Variants in INSR observed in about 807,000 individuals in gnomAD.
INSR encodes insulin receptor.
In INSR, 67 loss-of-function variants were observed where a neutral mutation model predicts 142.6. The observed-to-expected ratio is 0.47, with a 90% CI of 0.39 to 0.58. The LOEUF (loss-of-function observed/expected upper bound fraction) is 0.58. Ranked by LOEUF, INSR falls within the 20% of genes least tolerant of loss-of-function variation. INSR has a pLI of 0.00. For synonymous variants in INSR, 756 were observed against 743.1 expected (o/e 1.02, Z -0.28); for missense variants, 1,248 against 1,833.2 (o/e 0.68, Z 5.83).
chr19:7,153,308 AAAT>A (rs1234513199), intron 9 of INSR, among the ~76,000 whole-genome samples: 25 of 88,250 alleles, frequency 2.8e-4, no homozygotes, highest in South Asian at 7.4e-4. Flanking sequence ...CACACCACAC[AAAT>A]CACACACACA....
intron 2 of INSR, among the ~76,000 whole-genome samples, chr19:7,198,656 G>T (rs1974862474): frequency 6.6e-6 from 1 of 151,984 alleles, no homozygotes; most frequent in South Asian, 2.1e-4. Flanking sequence ...GGGAGGGTCC[G>T]CATCTCCGAA....
chr19:7,146,547 T>C (rs1022286664), intron 11 of INSR, among the ~76,000 whole-genome samples: 4 of 152,144 alleles, frequency 2.6e-5, no homozygotes, highest in Non-Finnish European at 4.4e-5. Flanking sequence ...TCAACCTCTT[T>C]GTCAAGTTCT....
chr19:7,153,381 C>A, intron 9 of INSR, among the ~76,000 whole-genome samples: 1 of 39,306 alleles, frequency 2.5e-5, no homozygotes, highest in Non-Finnish European at 5.0e-5. Flanking sequence ...ACACACCATA[C>A]ACGCACCACA....
intron 2 of INSR, among the ~76,000 whole-genome samples, chr19:7,220,349 G>C (rs2145096880): frequency 6.6e-6 from 1 of 152,306 alleles, no homozygotes; most frequent in South Asian, 2.1e-4. Flanking sequence ...GGAGTGCAGT[G>C]GTGCGATCTT....
chr19:7,244,027 A>G (rs1976448669), intron 2 of INSR, among the ~76,000 whole-genome samples: 1 of 152,146 alleles, frequency 6.6e-6, no homozygotes, highest in African/African-American at 2.4e-5. Flanking sequence ...ATTTTTTTAA[A>G]TGACCATAAT....
chr19:7,233,893 G>T (rs995638912), intron 2 of INSR, among the ~76,000 whole-genome samples: 2 of 151,054 alleles, frequency 1.3e-5, no homozygotes, highest in Non-Finnish European at 2.9e-5. Flanking sequence ...CGCCAGGATG[G>T]TCTCGATCTC....
intron 11 of INSR, among the ~76,000 whole-genome samples, chr19:7,148,163 C>T (rs188477993): frequency 4.5e-4 from 69 of 152,308 alleles, no homozygotes; most frequent in African/African-American, 1.7e-3. Context: ...ATCTGCCTGC[C>T]TGGGCCTCCC....
chr19:7,259,085 TTCCCGCCTTCCC>T (rs1976981132), intron 2 of INSR, among the ~76,000 whole-genome samples: 1 of 36,132 alleles, frequency 2.8e-5, no homozygotes, highest in Non-Finnish European at 5.8e-5. Flanking sequence ...CCTTCTTTCC[TTCCCGCCTTCCC>T]TCCTTCCTTC....
intron 2 of INSR, among the ~76,000 whole-genome samples, chr19:7,202,126 AT>A (rs1488723157): frequency 1.3e-5 from 2 of 152,214 alleles, no homozygotes; most frequent in Non-Finnish European, 2.9e-5. Context: ...CTAACCATAC[AT>A]GGCCCCTAAG....
chr19:7,135,304 CTTTTTTTTTTTTT>C (rs34080394), intron 13 of INSR, among the ~76,000 whole-genome samples: 1 of 60,054 alleles, frequency 1.7e-5, no homozygotes, highest in African/African-American at 7.8e-5. Context: ...AATGCATCTT[CTTTTTTTTTTTTT>C]TTTTTTTTTT....
intron 2 of INSR, among the ~76,000 whole-genome samples, chr19:7,224,564 G>C (rs1018448621): frequency 6.6e-6 from 1 of 152,166 alleles, no homozygotes; most frequent in Non-Finnish European, 1.5e-5. Flanking sequence ...CACTCCAGGT[G>C]ACCAAGCCAC....
At chr19:7,178,073 T>C (rs1470403201) in intron 3 of INSR, among the ~76,000 whole-genome samples, 1 of 152,080 alleles carries the variant, frequency 6.6e-6, no homozygotes, top group Non-Finnish European at 1.5e-5. Flanking sequence ...GCTGTTGTTC[T>C]CACACTCCTG....
At position 7,229,332 on chromosome 19, in the gene INSR, A is replaced by ATGGATAGATGGATGGATGGATG. The variant is rs1568204425; in HGVS notation, c.652+38012_652+38013insCATCCATCCATCCATCTATCCA. On this transcript the variant is annotated intron_variant, in intron 2 of 21. Transcript: ENST00000302850. ...TGGATGGATGGATGGATGGATGGAT[A>ATGGATAGATGGATGGATGGATG]GATGGATGGATGGATGGATGGATGG... is the stretch of plus-strand genomic sequence containing the variant. Among the ~76,000 whole-genome samples the ATGGATAGATGGATGGATGGATG allele has an allele frequency of 4.2e-3, 347 of 81,914 alleles. 2 individuals are homozygous for ATGGATAGATGGATGGATGGATG. The highest frequency in any genetic ancestry group is 0.013 in the African/African-American group (305 of 22,594). 53.7% of individuals were successfully genotyped at this position (81,914 alleles called of 152,430 possible). A position where few individuals can be genotyped will look rare whatever the true frequency, so the allele number is the denominator to read the frequency against.
intron 9 of INSR, among the ~76,000 whole-genome samples, chr19:7,161,534 G>A (rs1973748605): frequency 6.6e-6 from 1 of 152,154 alleles, no homozygotes; most frequent in Non-Finnish European, 1.5e-5. Flanking sequence ...ACAGGCATGA[G>A]CGCCAAGCCT....
intron 13 of INSR, among the ~76,000 whole-genome samples, chr19:7,138,885 T>C (rs1301690164): frequency 2.0e-5 from 3 of 152,096 alleles, no homozygotes; most frequent in Admixed American, 2.0e-4. Flanking sequence ...ATTAATAAAC[T>C]TTGCAATTAT....
chr19:7,153,647 G>C (rs1406544751), intron 9 of INSR, among the ~76,000 whole-genome samples: 1 of 152,152 alleles, frequency 6.6e-6, no homozygotes, highest in Non-Finnish European at 1.5e-5. Flanking sequence ...GAGCCCAGGA[G>C]TTCGAGGCTG....
In INSR at chr19:7,119,373, A is replaced by C; in HGVS notation, c.3794+76T>G. The C allele has an allele frequency of 6.3e-7, 1 of 1,581,444 alleles. No individual in the cohort carries two copies. Among genetic ancestry groups the C allele is most frequent in the Non-Finnish European group, 8.7e-7 (1 of 1,150,884 alleles). The stretch of plus-strand genomic sequence containing the variant: ...GTGAGCGTGTAGACATAGGAAAGGC[A>C]AAACCAAGCACACGTGTAAAGGGCA... On this transcript the variant is annotated intron_variant, in intron 21 of 21. Transcript: ENST00000302850. This position sits in a 1 kb window ranked among gnomAD's most constrained non-coding sequence, Gnocchi z 5.2.
chr19:7,208,231 G>A (rs62111457), intron 2 of INSR, among the ~76,000 whole-genome samples: 55,020 of 151,708 alleles, frequency 0.36, 10,566 homozygotes, highest in East Asian at 0.44. Context: ...CTAATTCCAC[G>A]CCCACCTCAC....
rs1287388882 is a variant in INSR, at chr19:7,119,961, A to G, written c.3660-378T>C. ...CTAGAACATGGTTAGCCACTTAATA[A>G]AACAATTCATGCTGCAGTTCATAAA... On this transcript the variant is annotated intron_variant, in intron 20 of 21. Coordinates refer to ENST00000302850, the MANE Select transcript of INSR (RefSeq NM_000208.4). The surrounding 1 kb of genome is among the most constrained non-coding windows in gnomAD (Gnocchi z 5.2). Among the ~76,000 whole-genome samples the G allele has an allele frequency of 1.3e-5, 2 of 152,148 alleles. No individual in the cohort carries two copies. Among genetic ancestry groups the G allele is most frequent in the Admixed American group, 1.3e-4 (2 of 15,260 alleles).
Sources: gnomAD v4.1 joint callset for allele counts (sites outside exome capture counted in the v4.1 genomes callset) on GRCh38, gnomAD v4.1.1 for gene constraint, Gnocchi (gnomAD v3.1) non-coding constraint, MANE v1.5 for transcripts, NCBI Gene and HGNC (gene_info 2026-07-23, HGNC 2026-07-21) for gene names.